RASAL2: variants seen among roughly 807,000 people sequenced by gnomAD.
RASAL2 encodes the protein ras GTPase-activating protein nGAP.
In RASAL2, 58 loss-of-function variants were observed where a neutral mutation model predicts 128.9. The observed-to-expected ratio is 0.45, with a 90% confidence interval of 0.36 to 0.56. The LOEUF (loss-of-function observed/expected upper bound fraction) is 0.56, where lower values mean the gene tolerates loss of function less well. Ranked by LOEUF, RASAL2 falls within the 20% of genes least tolerant of loss-of-function variation. The pLI is 0.00. For synonymous variants in RASAL2, 561 were observed against 580.8 expected, an observed-to-expected ratio of 0.97 and a Z score of 0.49; for missense variants, 1,360 against 1,601.6, an observed-to-expected ratio of 0.85 and a Z score of 2.57.
At chr1:178,238,714 AT>A (rs1020376550) in intron 1 of RASAL2, among the ~76,000 whole-genome samples, 13 of 152,082 alleles carry the variant, frequency 8.5e-5, no homozygotes, top group African/African-American at 3.1e-4. Context: ...GTAGTTAGTA[AT>A]TTCCCACACC....
At chr1:178,319,748 C>T (rs542117214) in intron 3 of RASAL2, among the ~76,000 whole-genome samples, 3 of 151,918 alleles carry the variant, frequency 2.0e-5, no homozygotes, top group Non-Finnish European at 2.9e-5. Context: ...AATGTCCTCC[C>T]GTAGCTCAGA....
intron 3 of RASAL2, among the ~76,000 whole-genome samples, chr1:178,374,195 A>G (rs1671873685): frequency 6.6e-6 from 1 of 152,164 alleles, no homozygotes; most frequent in African/African-American, 2.4e-5. Context: ...AATGAGGAAC[A>G]AAACTATCTG....
intron 1 of RASAL2, among the ~76,000 whole-genome samples, chr1:178,130,284 G>T (rs963086902): frequency 2.2e-4 from 34 of 152,244 alleles, no homozygotes; most frequent in African/African-American, 7.2e-4. Context: ...CAATTGGCAG[G>T]TCATATGACT....
rs140796137 is a variant in RASAL2, at chr1:178,330,540, A to G, written c.457+30422A>G. On this transcript the variant is annotated intron_variant, in intron 3 of 17. Transcript: ENST00000367649. ...AAGTGGAGTTCTTTTTGACAAAGTT[A>G]TAGACTTTTTCACATAATTGTAGTT... is the stretch of plus-strand genomic sequence containing the variant. Among the ~76,000 whole-genome samples the G allele has an allele frequency of 7.1e-3, 1,080 of 152,292 alleles. 12 individuals carry two copies. The highest frequency in any genetic ancestry group is 0.024 in the African/African-American group (999 of 41,570).
chr1:178,244,022 T>C (rs1664647669), intron 1 of RASAL2, among the ~76,000 whole-genome samples: 1 of 152,218 alleles, frequency 6.6e-6, no homozygotes, highest in South Asian at 2.1e-4. Context: ...GCTTTTTACA[T>C]GGAATCTGAG....
At chr1:178,441,509 C>T in intron 6 of RASAL2, 40 bp from the exon 7 acceptor site, 1 of 1,455,824 alleles carries the variant, frequency 6.9e-7, no homozygotes, top group African/African-American at 1.4e-5. Context: ...CCCTGAAATC[C>T]AGTGTTTTCT....
intron 1 of RASAL2, among the ~76,000 whole-genome samples, chr1:178,254,077 C>T (rs553778387): frequency 8.5e-4 from 130 of 152,296 alleles, no homozygotes; most frequent in Admixed American, 2.1e-3. Context: ...CATTCGTCTC[C>T]ATCATATTTC....
chr1:178,407,956 T>A (rs1023972045), intron 4 of RASAL2, among the ~76,000 whole-genome samples: 1 of 152,234 alleles, frequency 6.6e-6, no homozygotes, highest in Non-Finnish European at 1.5e-5. Flanking sequence ...GGCCAACAAC[T>A]TTAGTTATCA....
intron 1 of RASAL2, among the ~76,000 whole-genome samples, chr1:178,200,934 T>A (rs558793186): frequency 1.3e-5 from 2 of 152,202 alleles, no homozygotes; most frequent in East Asian, 3.9e-4. Flanking sequence ...AGTGATGGCG[T>A]CCCCTGAGGC....
rs556378672 is a variant in RASAL2, at chr1:178,127,476, A to T, written c.202+32782A>T. ...ATTTTTCATAGTAAGTAATCATAAT[A>T]CATCATTCCTTTGTCATTGATAGTG... On this transcript the variant is annotated intron_variant, in intron 1 of 17. Transcript: ENST00000367649. Among the ~76,000 whole-genome samples the T allele has an allele frequency of 1.4e-3, 220 of 152,278 alleles. 2 individuals carry two copies. Among genetic ancestry groups the T allele is most frequent in the African/African-American group, 5.1e-3 (210 of 41,568 alleles).
chr1:178,438,590 C>T (rs1418425716), intron 5 of RASAL2, among the ~76,000 whole-genome samples: 4 of 151,974 alleles, frequency 2.6e-5, no homozygotes, highest in Non-Finnish European at 5.9e-5. Flanking sequence ...CAGTGAAGTA[C>T]TGGCTCTTGT....
chr1:178,208,721 A>C (rs1255190296), intron 1 of RASAL2, among the ~76,000 whole-genome samples: 2 of 152,052 alleles, frequency 1.3e-5, no homozygotes, highest in Non-Finnish European at 2.9e-5. Flanking sequence ...GCTTTGAAGT[A>C]TGTGATCTTT....
chr1:178,379,567 C>T (rs1430983351), intron 3 of RASAL2, among the ~76,000 whole-genome samples: 1 of 152,152 alleles, frequency 6.6e-6, no homozygotes, highest in African/African-American at 2.4e-5. Flanking sequence ...TATTTCCAAT[C>T]AGTGATAATT....
intron 1 of RASAL2, among the ~76,000 whole-genome samples, chr1:178,268,790 GCAGAAAAGCATGGTATGA>G (rs1229045869): frequency 6.6e-6 from 1 of 152,110 alleles, no homozygotes; most frequent in Non-Finnish European, 1.5e-5. Flanking sequence ...TGGCACATAG[GCAGAAAAGCATGGTATGA>G]CAGCCTTCAG....
intron 1 of RASAL2, among the ~76,000 whole-genome samples, chr1:178,171,765 T>A (rs1239890898): frequency 6.6e-6 from 1 of 151,942 alleles, no homozygotes; most frequent in Non-Finnish European, 1.5e-5. Context: ...TCCCAAATTT[T>A]CATTGCTTTC....
chr1:178,346,453 A>G (rs1346811916), intron 3 of RASAL2, among the ~76,000 whole-genome samples: 1 of 152,048 alleles, frequency 6.6e-6, no homozygotes, highest in Non-Finnish European at 1.5e-5. Context: ...CGCTATATAC[A>G]TCCTGATATT....
At chr1:178,468,235 G>T (rs1216436387) in intron 17 of RASAL2, among the ~76,000 whole-genome samples, 1 of 152,174 alleles carries the variant, frequency 6.6e-6, no homozygotes, top group Non-Finnish European at 1.5e-5. Context: ...TTATAGTTTT[G>T]ATAGTGGCTG....
chr1:178,438,538 T>C (rs1392537134), intron 5 of RASAL2, among the ~76,000 whole-genome samples: 1 of 151,992 alleles, frequency 6.6e-6, no homozygotes, highest in East Asian at 1.9e-4. Flanking sequence ...TTCAAGAATA[T>C]TGTACTTACG....
chr1:178,248,006 G>A (rs916526419), intron 1 of RASAL2, among the ~76,000 whole-genome samples: 1 of 152,178 alleles, frequency 6.6e-6, no homozygotes, highest in African/African-American at 2.4e-5. Context: ...GTCAATTTTA[G>A]AATAAGTGCT....
Sources: gnomAD v4.1 joint callset for allele counts (sites outside exome capture counted in the v4.1 genomes callset) on GRCh38, gnomAD v4.1.1 for gene constraint, MANE v1.5 for transcripts, NCBI Gene and HGNC (gene_info 2026-07-23, HGNC 2026-07-21) for gene names.